FOLH1: variants seen among roughly 807,000 people sequenced by gnomAD.
FOLH1 encodes glutamate carboxypeptidase 2.
Under a neutral mutation model 93.9 loss-of-function variants are expected in FOLH1, and 54 were observed. The ratio of observed to expected loss-of-function variants is 0.57; its 90% confidence interval spans 0.46 to 0.72. FOLH1 has a LOEUF of 0.72. Ranked by LOEUF, FOLH1 falls within the 30% of genes least tolerant of loss-of-function variation. The probability of loss-of-function intolerance (pLI) is 0.00; values close to 1 mark genes in which losing one functional copy is unlikely to be tolerated. For synonymous variants in FOLH1, 249 were observed against 303.6 expected (o/e 0.82, Z 1.87); for missense variants, 571 against 892.5 (o/e 0.64, Z 4.59).
chr11:49,152,050 T>C (rs1321966181), intron 17 of FOLH1, among the ~76,000 whole-genome samples: 1 of 152,166 alleles, frequency 6.6e-6, no homozygotes, highest in Non-Finnish European at 1.5e-5. Flanking sequence ...ATATTTACAA[T>C]TTTACAACCT....
At chr11:49,160,278 C>T (rs929774009) in intron 13 of FOLH1, among the ~76,000 whole-genome samples, 1 of 151,954 alleles carries the variant, frequency 6.6e-6, no homozygotes, top group Non-Finnish European at 1.5e-5. Flanking sequence ...AAAATCAGCT[C>T]CTGGATTCGT....
In FOLH1 at chr11:49,146,717, T is replaced by C. The variant is rs1197870743; in HGVS notation, c.*39A>G. 1.3e-6 allele frequency: 2 copies of C among 1,557,938 alleles called. No individual in the cohort carries two copies. The highest frequency in any genetic ancestry group is 1.2e-5 in the South Asian group (1 of 82,220). On this transcript the variant is annotated 3_prime_UTR_variant, in exon 19 of 19. Coordinates refer to ENST00000256999, the MANE Select transcript of FOLH1 (RefSeq NM_004476.3). ...CCATTACGATTCTTTCTGAGTGACA[T>C]ACCACACAAATTCAATACGGATTCT...
At chr11:49,193,325 C>G (rs1226470688) in intron 3 of FOLH1, among the ~76,000 whole-genome samples, 1 of 152,140 alleles carries the variant, frequency 6.6e-6, no homozygotes, top group Non-Finnish European at 1.5e-5. Context: ...ACATACTAAG[C>G]TAGTGTGAAC....
chr11:49,195,356 A>G (rs1419329175), intron 3 of FOLH1, among the ~76,000 whole-genome samples: 1 of 152,176 alleles, frequency 6.6e-6, no homozygotes, highest in African/African-American at 2.4e-5. Flanking sequence ...ATATTTAGAT[A>G]CTAATGATAA....
rs1312937976 is a variant in FOLH1, at chr11:49,145,135, C to T, written c.*1621G>A. ...TACATTTTATTATTCACCAGTTATC[C>T]AAATTTGGGTTATCCACTCCAAACT... On this transcript the variant is annotated 3_prime_UTR_variant, in exon 19 of 19. Transcript: ENST00000256999. 3.9e-5 allele frequency among the ~76,000 whole-genome samples: 6 copies of T among 152,218 alleles called. No individual in the cohort carries two copies. In the South Asian group the frequency reaches 1.2e-3, roughly 32 times the overall value.
chr11:49,174,691 C>T (rs906385357), intron 9 of FOLH1, among the ~76,000 whole-genome samples: 6 of 152,162 alleles, frequency 3.9e-5, no homozygotes, highest in African/African-American at 1.4e-4. Flanking sequence ...TAGCACCAAA[C>T]ATTCACTTTT....
intron 2 of FOLH1, among the ~76,000 whole-genome samples, chr11:49,201,726 G>C (rs555194540): frequency 6.6e-6 from 1 of 152,114 alleles, no homozygotes; most frequent in South Asian, 2.1e-4. Flanking sequence ...CCAACATATC[G>C]CTATTTTCTT....
intron 12 of FOLH1, among the ~76,000 whole-genome samples, chr11:49,168,148 C>T (rs1858679737): frequency 6.7e-6 from 1 of 149,688 alleles, no homozygotes; most frequent in Non-Finnish European, 1.5e-5. Context: ...TTAAAGAATA[C>T]AGTCTATTAC....
chr11:49,162,180 T>C (rs202723), intron 13 of FOLH1, among the ~76,000 whole-genome samples: 1 of 152,102 alleles, frequency 6.6e-6, no homozygotes, highest in Non-Finnish European at 1.5e-5. Context: ...TATCTAGCTA[T>C]GTTGGGAAAG....
intron 1 of FOLH1, among the ~76,000 whole-genome samples, chr11:49,207,379 C>G (rs1233835632): frequency 1.3e-5 from 2 of 152,206 alleles, no homozygotes; most frequent in Admixed American, 6.5e-5. Context: ...GTTCAAAAAT[C>G]TTTTAACAAC....
At chr11:49,203,731 GAAAT>G (rs1259629177) in intron 2 of FOLH1, among the ~76,000 whole-genome samples, 1 of 152,194 alleles carries the variant, frequency 6.6e-6, no homozygotes, top group Non-Finnish European at 1.5e-5. Flanking sequence ...TCCAAAAAGA[GAAAT>G]AAAGGCATTT....
chr11:49,189,708 G>A (rs1185519505), intron 4 of FOLH1, among the ~76,000 whole-genome samples: 1 of 152,176 alleles, frequency 6.6e-6, no homozygotes, highest in Non-Finnish European at 1.5e-5. Flanking sequence ...ATTTTAAGTA[G>A]CCATCTTAAG....
At chr11:49,166,754 T>G (rs1436077253) in intron 12 of FOLH1, among the ~76,000 whole-genome samples, 1 of 152,204 alleles carries the variant, frequency 6.6e-6, no homozygotes, top group Non-Finnish European at 1.5e-5. Flanking sequence ...ATGAATGGTG[T>G]CCCAATCATA....
chr11:49,175,673 A>T (rs1191823305), intron 8 of FOLH1, among the ~76,000 whole-genome samples, 186 bp downstream of exon 8: 1 of 152,166 alleles, frequency 6.6e-6, no homozygotes, highest in South Asian at 2.1e-4. Context: ...AACACTCATA[A>T]TTTTTAAATC....
At chr11:49,174,258 G>A (rs931052782) in intron 9 of FOLH1, among the ~76,000 whole-genome samples, 3 of 152,154 alleles carry the variant, frequency 2.0e-5, no homozygotes, top group African/African-American at 7.2e-5. Context: ...CTGGCTGCTT[G>A]TAAGAAACAT....
At chr11:49,162,707 C>T (rs1857844550) in intron 13 of FOLH1, 2 of 151,950 alleles carry the variant, frequency 1.3e-5, no homozygotes, top group Non-Finnish European at 1.5e-5. Context: ...TTGTACTGAT[C>T]CTTTCTCATC....
rs773076043 is a variant in FOLH1 at position 49,183,012 on chromosome 11, T to C, written c.920+137A>G. On this transcript the variant is annotated intron_variant, in intron 7 of 18. Coordinates refer to ENST00000256999, the MANE Select transcript of FOLH1 (RefSeq NM_004476.3). ...TTCCAGAACAGAACCACTCTTCTAT[T>C]TTATACTGATAAAATTACAAGCAAC... is the stretch of plus-strand genomic sequence containing the variant. 1.4e-4 allele frequency: 97 copies of C among 682,952 alleles called. 1 individual carries two copies. Among genetic ancestry groups the C allele is most frequent in the Admixed American group, 4.6e-4 (15 of 32,876 alleles). The allele number at this position is 682,952 out of a possible 1,614,324, so 42.3% of individuals were successfully genotyped here.
intron 17 of FOLH1, 75 bp downstream of exon 17, chr11:49,153,771 A>T: frequency 1.0e-6 from 1 of 1,000,684 alleles, no homozygotes; most frequent in Non-Finnish European, 1.4e-6. Context: ...GTTCAGCAAC[A>T]GTCATGTTAG....
intron 13 of FOLH1, among the ~76,000 whole-genome samples, chr11:49,160,959 T>C (rs1312137708): frequency 6.6e-6 from 1 of 152,174 alleles, no homozygotes; most frequent in Non-Finnish European, 1.5e-5. Flanking sequence ...GTGAATTTCT[T>C]ACTCTTGATT....
Sources: gnomAD v4.1 joint callset for allele counts (sites outside exome capture counted in the v4.1 genomes callset) on GRCh38, gnomAD v4.1.1 for gene constraint, MANE v1.5 for transcripts, NCBI Gene and HGNC (gene_info 2026-07-23, HGNC 2026-07-21) for gene names.